Variants in ZNF560 observed in about 807,000 individuals in gnomAD.
The protein encoded by ZNF560 is zinc finger protein 560.
Under a neutral mutation model 81.8 loss-of-function variants are expected in ZNF560, and 54 were observed. That is an observed-to-expected ratio of 0.66 (90% CI 0.53 to 0.83). The LOEUF is 0.83. Among genes scored for constraint, ZNF560 ranks in the 40% least tolerant of loss-of-function variants. The probability of loss-of-function intolerance (pLI) is 0.00; values close to 1 mark genes in which losing one functional copy is unlikely to be tolerated. For synonymous variants in ZNF560, 321 were observed against 317.9 expected (o/e 1.01, Z -0.10); for missense variants, 940 against 932.4 (o/e 1.01, Z -0.11).
At chr19:9,485,725 AGTAGAGACAGG>A in intron 2 of ZNF560, among the ~76,000 whole-genome samples, 1 of 151,994 alleles carries the variant, frequency 6.6e-6, no homozygotes, top group Middle Eastern at 3.4e-3. Flanking sequence ...TTGTATTTTT[AGTAGAGACAGG>A]GTTTGGCCAC....
In ZNF560 at chr19:9,467,188, G is replaced by A; in HGVS notation, c.1759C>T (p.Leu587Phe). The change falls in exon 10 of 10, where the codon CTT becomes TTT. Residue 587 changes from leucine (L) to phenylalanine (F), a missense_variant. Transcript: ENST00000301480. ...CTGTGTCTTCGTAAATGTTTAGTAAGGTATGAGCGCTCAGTGAAGGCTTTC... is the reference window on the plus strand; with the variant it reads ...CTGTGTCTTCGTAAATGTTTAGTAAAGTATGAGCGCTCAGTGAAGGCTTTC... The part of the protein sequence containing the change: ...CGKAFTERSY[L>F]TKHLRRHSGE... 1 of 1,614,062 alleles carries A rather than the reference G, an allele frequency of 6.2e-7. No individual in the cohort carries two copies. The highest frequency in any genetic ancestry group is 8.5e-7 in the Non-Finnish European group (1 of 1,180,014).
At chr19:9,472,835 T>C (rs1247301371) in intron 5 of ZNF560, among the ~76,000 whole-genome samples, 3 of 152,156 alleles carry the variant, frequency 2.0e-5, no homozygotes, top group African/African-American at 7.2e-5. Flanking sequence ...AAAATTGTCT[T>C]CCATGAAACT....
chr19:9,474,823 A>ATTTTTTTT (rs35450965), intron 3 of ZNF560, among the ~76,000 whole-genome samples: 1 of 85,682 alleles, frequency 1.2e-5, no homozygotes, highest in Non-Finnish European at 2.2e-5. Context: ...CATGCCTGGC[A>ATTTTTTTT]TTTTTTTTTT....
the ZNF560 span, among the ~76,000 whole-genome samples, chr19:9,447,830 G>A: frequency 6.6e-6 from 1 of 152,178 alleles, no homozygotes; most frequent in Non-Finnish European, 1.5e-5. Flanking sequence ...AATTGTGCTA[G>A]AGAGGTAGCC....
chr19:9,462,842 T>G (rs543040715), downstream of ZNF560, among the ~76,000 whole-genome samples: 1 of 152,332 alleles, frequency 6.6e-6, no homozygotes, highest in South Asian at 2.1e-4. Context: ...CCTAGGTACC[T>G]GAATTTTCTG....
chr19:9,477,156 T>G (rs1449022651), intron 2 of ZNF560, among the ~76,000 whole-genome samples: 1 of 152,178 alleles, frequency 6.6e-6, no homozygotes, highest in Non-Finnish European at 1.5e-5. Context: ...TGCCATTTAC[T>G]AGGGACTGTT....
At chr19:9,462,620 T>C (rs527300613), downstream of ZNF560, among the ~76,000 whole-genome samples, 10 of 152,098 alleles carry the variant, frequency 6.6e-5, no homozygotes, top group African/African-American at 2.2e-4. Context: ...CCAATGTTAA[T>C]AATATTTTTA....
chr19:9,495,010 A>C (rs2073535167), intron 2 of ZNF560, among the ~76,000 whole-genome samples: 1 of 152,186 alleles, frequency 6.6e-6, no homozygotes, highest in Admixed American at 6.5e-5. Flanking sequence ...AACAAGTCCT[A>C]TAACTGCAAG....
intron 9 of ZNF560, 36 bp from the exon 10 acceptor site, chr19:9,468,370 T>C (rs1159768853): frequency 1.2e-5 from 18 of 1,477,560 alleles, no homozygotes; most frequent in Non-Finnish European, 1.6e-5. Flanking sequence ...AGGAAGCATT[T>C]TAGCAGACTT....
At chr19:9,470,588 AG>A in intron 6 of ZNF560, 70 bp from the exon 7 acceptor site, 3 of 1,611,486 alleles carry the variant, frequency 1.9e-6, no homozygotes, top group Middle Eastern at 3.3e-4. Context: ...AGAATGAGGA[AG>A]GGGGACCCAA....
intron 6 of ZNF560, among the ~76,000 whole-genome samples, chr19:9,470,850 A>G (rs1423454707): frequency 1.3e-5 from 2 of 152,336 alleles, no homozygotes; most frequent in African/African-American, 4.8e-5. Context: ...ATTCCTTAAG[A>G]AAAGAACACT....
chr19:9,501,156 C>CT (rs759618635), upstream of ZNF560, among the ~76,000 whole-genome samples: 1,748 of 106,338 alleles, frequency 0.016, 42 homozygotes, highest in African/African-American at 0.025. Flanking sequence ...TTCTCTTTAG[C>CT]TTTTTTTTTT....
the ZNF560 span, among the ~76,000 whole-genome samples, chr19:9,454,159 G>T: frequency 2.0e-5 from 3 of 152,218 alleles, no homozygotes; most frequent in South Asian, 2.1e-4. Flanking sequence ...ACAAGCAAGA[G>T]CCTGTCCCTT....
At position 9,467,211 on chromosome 19, in the gene ZNF560, T is replaced by C. The variant is rs765130288; in HGVS notation, c.1736A>G (p.Lys579Arg). The change falls in exon 10 of 10, where the codon AAA becomes AGA. Residue 579 changes from lysine to arginine, a missense_variant. Transcript: ENST00000301480. ...AAGGTATGAGCGCTCAGTGAAGGCT[T>C]TCCCACATTTCATACATTCATAGGG... ...EKPYECMKCGKAFTERSYLTK... is the reference protein window; with the variant it reads ...EKPYECMKCGRAFTERSYLTK... 1.2e-6 allele frequency: 2 copies of C among 1,614,178 alleles called. No individual in the cohort carries two copies. Among genetic ancestry groups the C allele is most frequent in the African/African-American group, 1.3e-5 (1 of 75,054 alleles).
intron 2 of ZNF560, among the ~76,000 whole-genome samples, chr19:9,489,086 T>C (rs1208997171): frequency 6.6e-6 from 1 of 152,240 alleles, no homozygotes; most frequent in Non-Finnish European, 1.5e-5. Flanking sequence ...AATTAAACTT[T>C]TTTTATTCTG....
At chr19:9,490,304 C>A (rs1000294627) in intron 2 of ZNF560, among the ~76,000 whole-genome samples, 1 of 152,174 alleles carries the variant, frequency 6.6e-6, no homozygotes, top group African/African-American at 2.4e-5. Context: ...AAGATGAGTT[C>A]CCTGTTTCAA....
At chr19:9,494,930 A>G (rs1393539609) in intron 2 of ZNF560, among the ~76,000 whole-genome samples, 1 of 151,950 alleles carries the variant, frequency 6.6e-6, no homozygotes, top group Non-Finnish European at 1.5e-5. Context: ...AAACAAAACA[A>G]ACAAACAAAC....
intron 2 of ZNF560, among the ~76,000 whole-genome samples, chr19:9,478,153 T>A (rs1206101007): frequency 6.6e-6 from 1 of 151,602 alleles, no homozygotes; most frequent in Non-Finnish European, 1.5e-5. Context: ...TGAAAAAAGA[T>A]GCAAATCACA....
At chr19:9,497,534 CAAAA>C (rs58468618) in intron 2 of ZNF560, among the ~76,000 whole-genome samples, 1,897 of 67,546 alleles carry the variant, frequency 0.028, 42 homozygotes, top group African/African-American at 0.079. Flanking sequence ...GACCCCCTCT[CAAAA>C]AAAAAAAAAA....
Sources: allele counts gnomAD v4.1 joint callset (sites outside exome capture counted in the v4.1 genomes callset), GRCh38; gene constraint gnomAD v4.1.1; transcripts MANE v1.5; gene names NCBI Gene and HGNC (gene_info 2026-07-23, HGNC 2026-07-21).